The following ACP7 variants were observed in gnomAD, a reference collection of about 807,000 sequenced individuals.
The protein encoded by ACP7 is acid phosphatase 7, tartrate resistant (putative).
Under a neutral mutation model 60.6 loss-of-function variants are expected in ACP7, and 58 were observed. The observed-to-expected ratio is 0.96, with a 90% CI of 0.77 to 1.19. The LOEUF (loss-of-function observed/expected upper bound fraction) is 1.19. Among genes scored for constraint, ACP7 ranks in the 50% most tolerant of loss-of-function variants. The pLI is 0.00. For missense variants in ACP7, 574 were observed against 596.2 expected, an observed-to-expected ratio of 0.96 and a Z score of 0.39; for synonymous variants, 237 against 232.6, an observed-to-expected ratio of 1.02 and a Z score of -0.17.
intron 11 of ACP7, among the ~76,000 whole-genome samples, chr19:39,103,878 G>C (rs2073384667): frequency 6.6e-6 from 1 of 151,898 alleles, no homozygotes; most frequent in Non-Finnish European, 1.5e-5. Flanking sequence ...GCCCAGGCTG[G>C]TCTCGAATTC....
At chr19:39,099,637 A>G (rs2073316009) in intron 4 of ACP7, among the ~76,000 whole-genome samples, 2 of 152,128 alleles carry the variant, frequency 1.3e-5, no homozygotes, top group Admixed American at 1.3e-4. Context: ...CTACATCTTC[A>G]CTAGCCAGCT....
At chr19:39,109,112 G>A (rs1399478309) in intron 12 of ACP7, among the ~76,000 whole-genome samples, 1 of 152,082 alleles carries the variant, frequency 6.6e-6, no homozygotes, top group African/African-American at 2.4e-5. Flanking sequence ...ATGAGCCACC[G>A]CATGCGGCCC....
intron 4 of ACP7, 67 bp downstream of exon 4, chr19:39,099,209 C>T (rs1010807381): frequency 7.8e-7 from 1 of 1,274,932 alleles, no homozygotes. Context: ...GGGGGGCGCG[C>T]GGGTCGGGGG....
chr19:39,109,297 G>T (rs569104071), intron 12 of ACP7, among the ~76,000 whole-genome samples: 3 of 152,242 alleles, frequency 2.0e-5, no homozygotes, highest in East Asian at 1.9e-4. Flanking sequence ...TGCACCGGGC[G>T]CAGACTTTTG....
intron 2 of ACP7, among the ~76,000 whole-genome samples, chr19:39,095,113 C>T (rs1356321468): frequency 1.3e-5 from 2 of 152,076 alleles, no homozygotes; most frequent in Non-Finnish European, 1.5e-5. Flanking sequence ...GCCTCTGGCC[C>T]CTCCAAATCT....
chr19:39,088,954 T>G, intron 2 of ACP7, among the ~76,000 whole-genome samples: 1 of 148,706 alleles, frequency 6.7e-6, no homozygotes, highest in African/African-American at 2.5e-5. Flanking sequence ...TTTTGAGTCG[T>G]AGTCTCACTC....
intron 12 of ACP7, among the ~76,000 whole-genome samples, chr19:39,109,717 G>C (rs1568485779): frequency 6.8e-6 from 1 of 148,088 alleles, no homozygotes; most frequent in Non-Finnish European, 1.5e-5. Flanking sequence ...AAAGGAGAGA[G>C]AGAGAAAGAG....
intron 2 of ACP7, among the ~76,000 whole-genome samples, chr19:39,097,268 C>T (rs747013280): frequency 2.6e-5 from 4 of 152,044 alleles, no homozygotes; most frequent in African/African-American, 9.7e-5. Context: ...TCCCACAACA[C>T]GTGGGGATTA....
intron 2 of ACP7, among the ~76,000 whole-genome samples, chr19:39,093,172 C>CCTTCCTTCCT (rs1555767303): frequency 1.2e-5 from 1 of 80,868 alleles, no homozygotes; most frequent in African/African-American, 5.1e-5. Flanking sequence ...CTTTCTTTCT[C>CCTTCCTTCCT]TCCTTCCTTC....
In ACP7 at chr19:39,107,138, C is replaced by A; in HGVS notation, c.1251+54C>A. On this transcript the variant is annotated intron_variant, in intron 12 of 12. Transcript: ENST00000331256. Reference sequence around the variant, plus strand: ...GACTGTACAGCCAGGCCCCTCCAAGCAAATGAGCTGTTAAAAACGTGGGCT... The same window carrying A: ...GACTGTACAGCCAGGCCCCTCCAAGAAAATGAGCTGTTAAAAACGTGGGCT... 3 of 1,560,686 alleles carry A rather than the reference C, an allele frequency of 1.9e-6. No homozygotes were observed. The South Asian group carries it at 3.6e-5, about 19-fold the overall frequency.
intron 2 of ACP7, among the ~76,000 whole-genome samples, chr19:39,096,644 A>G (rs904274739): frequency 2.9e-4 from 44 of 151,824 alleles, no homozygotes; most frequent in African/African-American, 1.1e-3. Flanking sequence ...ACCCCACTCT[A>G]CTGGTACCAG....
In ACP7 at chr19:39,085,351, C is replaced by T; in HGVS notation, c.82C>T (p.Pro28Ser). The change falls in exon 2 of 13, where the codon CCC becomes TCC. Residue 28 changes from proline to serine, a missense_variant. Pro to Ser is a moderately conservative substitution (Grantham distance 74). Coordinates refer to ENST00000331256, the MANE Select transcript of ACP7 (RefSeq NM_001004318.3). ...GGGAGTCCAGGGGTCCCTGGGGGCTCCCAGCGCTGCCCCAGAGCAAGTCCA... is the reference window on the plus strand; with the variant it reads ...GGGAGTCCAGGGGTCCCTGGGGGCTTCCAGCGCTGCCCCAGAGCAAGTCCA... ...SLGVQGSLGA[P>S]SAAPEQVHLS... The T allele has an allele frequency of 6.2e-7, 1 of 1,613,470 alleles. No individual in the cohort carries two copies.
chr19:39,097,145 A>C (rs1428819654), intron 2 of ACP7, among the ~76,000 whole-genome samples: 2 of 152,174 alleles, frequency 1.3e-5, no homozygotes, highest in African/African-American at 4.8e-5. Flanking sequence ...AAAATGAGAA[A>C]GAAGCAAAAG....
chr19:39,105,839 C>T (rs959104619), intron 11 of ACP7, among the ~76,000 whole-genome samples: 1 of 152,146 alleles, frequency 6.6e-6, no homozygotes, highest in South Asian at 2.1e-4. Flanking sequence ...CCTCTTTGAG[C>T]CTCTGATTTC....
In ACP7 at chr19:39,098,671, C is replaced by T. The variant is rs749168349; in HGVS notation, c.322+13C>T. On this transcript the variant is annotated intron_variant, in intron 3 of 12. Coordinates refer to ENST00000331256, the MANE Select transcript of ACP7 (RefSeq NM_001004318.3). ...GGGGTTCAGTATGGTGAGAGGGGCC[C>T]CAGGCTGAGCTGTTGAGGAGGAGTG... 1 of 1,598,654 alleles carries T rather than the reference C, an allele frequency of 6.3e-7. No homozygotes were observed. Among genetic ancestry groups the T allele is most frequent in the African/African-American group, 1.3e-5 (1 of 74,386 alleles).
rs979008771 is a variant in ACP7 at position 39,110,885 on chromosome 19, T to C, written c.*767T>C. The C allele has an allele frequency of 3.9e-5, 6 of 152,230 alleles. No individual in the cohort carries two copies. The highest frequency in any genetic ancestry group is 9.6e-5 in the African/African-American group (4 of 41,454). The allele number at this position is 152,230 out of a possible 1,614,324, so 9.4% of individuals were successfully genotyped here. Reference sequence around the variant, plus strand: ...TCAGTGCTGGAGAGACAGCTGTGAATGAGACAGAGATCTCGGCCCTCACAG... The same window carrying C: ...TCAGTGCTGGAGAGACAGCTGTGAACGAGACAGAGATCTCGGCCCTCACAG... On this transcript the variant is annotated 3_prime_UTR_variant, in exon 13 of 13. Transcript: ENST00000331256.
intron 11 of ACP7, among the ~76,000 whole-genome samples, chr19:39,102,715 T>TGACTTTCTTTC (rs1555769416): frequency 4.2e-5 from 5 of 118,616 alleles, no homozygotes; most frequent in South Asian, 5.7e-4. Flanking sequence ...CAATGAAGAC[T>TGACTTTCTTTC]TTTCTTTCTT....
chr19:39,094,929 G>A (rs1377898034), intron 2 of ACP7, among the ~76,000 whole-genome samples: 1 of 152,114 alleles, frequency 6.6e-6, no homozygotes, highest in African/African-American at 2.4e-5. Flanking sequence ...AAAAGCAGAA[G>A]CAGAAATCCT....
At position 39,106,966 on chromosome 19, in the gene ACP7, C is replaced by T. The variant is rs752863007; in HGVS notation, c.1133C>T (p.Thr378Met). The T allele has an allele frequency of 8.7e-6, 14 of 1,613,790 alleles. No homozygotes were observed. Among genetic ancestry groups the T allele is most frequent in the Middle Eastern group, 1.6e-4 (1 of 6,082 alleles). Reference protein sequence around the residue: ...TGSAGCEERLTPFAVFPRPWS... With the variant: ...TGSAGCEERLMPFAVFPRPWS... ...CCCCAGGGCTGTGAGGAGCGGCTGA[C>T]GCCCTTTGCTGTCTTCCCGAGGCCC... Residue 378 changes from threonine (T) to methionine (M), a missense_variant, in exon 12 of 13, where the codon ACG becomes ATG. Thr to Met is a moderately conservative substitution (Grantham distance 81). Coordinates refer to ENST00000331256, the MANE Select transcript of ACP7 (RefSeq NM_001004318.3).
Sources: allele counts gnomAD v4.1 joint callset (sites outside exome capture counted in the v4.1 genomes callset), GRCh38; gene constraint gnomAD v4.1.1; transcripts MANE v1.5; gene names NCBI Gene and HGNC (gene_info 2026-07-23, HGNC 2026-07-21).